The following IPCEF1 variants were observed in gnomAD, a reference collection of about 807,000 sequenced individuals.
IPCEF1 encodes interaction protein for cytohesin exchange factors 1.
A neutral mutation model predicts 50.9 loss-of-function variants in IPCEF1; 31 were observed. The observed-to-expected ratio is 0.61, with a 90% CI of 0.46 to 0.82. The LOEUF (loss-of-function observed/expected upper bound fraction) is 0.82. IPCEF1 is among the 40% of genes least tolerant of loss of function. The pLI is 0.00. For synonymous variants in IPCEF1, 181 were observed against 192.0 expected, an observed-to-expected ratio of 0.94 and a Z score of 0.47; for missense variants, 458 against 514.0, an observed-to-expected ratio of 0.89 and a Z score of 1.05.
intron 1 of IPCEF1, among the ~76,000 whole-genome samples, chr6:154,305,797 C>T (rs149168993): frequency 6.6e-6 from 1 of 152,308 alleles, no homozygotes; most frequent in African/African-American, 2.4e-5. Context: ...CTTCTGGCCT[C>T]CATCTTTCTC....
At chr6:154,208,280 G>A (rs977482430) in intron 9 of IPCEF1, among the ~76,000 whole-genome samples, 1 of 152,138 alleles carries the variant, frequency 6.6e-6, no homozygotes, top group African/African-American at 2.4e-5. Context: ...ACACACCAAG[G>A]AGACCTTGAC....
Position 154,212,785 on chromosome 6 carries a change from G to A in IPCEF1, c.522C>T (p.Ser174=), listed in dbSNP as rs763703040. The A allele has an allele frequency of 7.4e-6, 12 of 1,611,912 alleles. No homozygotes were observed. Among genetic ancestry groups the A allele is most frequent in the Non-Finnish European group, 1.0e-5 (12 of 1,178,006 alleles). Residue 174 remains serine (S), a synonymous_variant, in exon 9 of 12, where the codon TCC becomes TCT. Transcript: ENST00000367220. ...CGGTACATACCAAAGACTGAGTCTG[G>A]GAAGCGTGAGGAGGGGGTGGTGTCT... ...AAETPPPPHA[S]QTQSLTAQQA...
intron 10 of IPCEF1, among the ~76,000 whole-genome samples, chr6:154,192,324 G>A (rs2657572): frequency 0.028 from 3,473 of 125,406 alleles, 54 homozygotes; most frequent in Non-Finnish European, 0.041. Context: ...GTTACTGTGT[G>A]TGTGTGTGTG....
At chr6:154,296,637 G>A (rs1782665898) in intron 1 of IPCEF1, among the ~76,000 whole-genome samples, 1 of 152,040 alleles carries the variant, frequency 6.6e-6, no homozygotes, top group Non-Finnish European at 1.5e-5. Context: ...AGACCATCCT[G>A]GCTAACACAG....
chr6:154,210,708 A>C (rs1394435427), intron 9 of IPCEF1, among the ~76,000 whole-genome samples: 1 of 152,230 alleles, frequency 6.6e-6, no homozygotes, highest in African/African-American at 2.4e-5. Context: ...GAAGCTATGA[A>C]TATAGTAAGA....
At chr6:154,324,348 TTGAGTTCA>T (rs1198392536) in intron 1 of IPCEF1, among the ~76,000 whole-genome samples, 2 of 152,140 alleles carry the variant, frequency 1.3e-5, no homozygotes, top group Admixed American at 1.3e-4. Flanking sequence ...GGAGGAACAC[TTGAGTTCA>T]TGAGTTTGAG....
chr6:154,196,434 C>A lies in IPCEF1; in HGVS notation c.910+3234G>T, dbSNP rs533720966. ...CAATGTTTTATTTTTTTTAATTAAGCTTGTTATCTACATGACTCCCAGATC... is the reference window on the plus strand; with the variant it reads ...CAATGTTTTATTTTTTTTAATTAAGATTGTTATCTACATGACTCCCAGATC... On this transcript the variant is annotated intron_variant, in intron 10 of 11. Transcript: ENST00000367220. 2.0e-5 allele frequency among the ~76,000 whole-genome samples: 3 copies of A among 152,170 alleles called. No individual in the cohort carries two copies. The East Asian group carries it at 5.8e-4, about 29-fold the overall frequency.
At chr6:154,282,899 G>C (rs1005003905) in intron 2 of IPCEF1, among the ~76,000 whole-genome samples, 8 of 152,172 alleles carry the variant, frequency 5.3e-5, no homozygotes, top group African/African-American at 1.7e-4. Context: ...GTGGAGAAAA[G>C]AGATTGAAAA....
intron 9 of IPCEF1, among the ~76,000 whole-genome samples, chr6:154,207,468 T>C (rs1244940991): frequency 6.6e-6 from 1 of 152,234 alleles, no homozygotes; most frequent in Non-Finnish European, 1.5e-5. Flanking sequence ...CAAATGACTT[T>C]GGTAGACAAC....
At chr6:154,176,664 A>G (rs1800359847) in intron 10 of IPCEF1, among the ~76,000 whole-genome samples, 1 of 152,228 alleles carries the variant, frequency 6.6e-6, no homozygotes, top group South Asian at 2.1e-4. Context: ...TCAATGAAAT[A>G]AAAGAGGTCA....
intron 1 of IPCEF1, among the ~76,000 whole-genome samples, chr6:154,319,015 A>G (rs1246529980): frequency 6.6e-6 from 1 of 152,174 alleles, no homozygotes. Flanking sequence ...TTCCATAGTA[A>G]TTTTTTCTAT....
intron 1 of IPCEF1, among the ~76,000 whole-genome samples, chr6:154,322,344 C>T (rs1318453907): frequency 6.7e-6 from 1 of 149,802 alleles, no homozygotes; most frequent in African/African-American, 2.5e-5. Context: ...TGGTGAGGCC[C>T]TGCCTCTACA....
At chr6:154,189,575 T>C (rs1801683834) in intron 10 of IPCEF1, among the ~76,000 whole-genome samples, 1 of 152,210 alleles carries the variant, frequency 6.6e-6, no homozygotes, top group African/African-American at 2.4e-5. Flanking sequence ...AGATTTTGAA[T>C]GTTGTTACCA....
At chr6:154,318,906 A>G (rs1012329048) in intron 1 of IPCEF1, among the ~76,000 whole-genome samples, 3 of 152,140 alleles carry the variant, frequency 2.0e-5, no homozygotes, top group African/African-American at 7.2e-5. Context: ...TCTGTCTCAA[A>G]CATGATGTCA....
rs962922600 is a variant in IPCEF1, at chr6:154,159,007, T to C, written c.*821A>G. On this transcript the variant is annotated 3_prime_UTR_variant, in exon 12 of 12. Transcript: ENST00000367220. The stretch of plus-strand genomic sequence containing the variant: ...GAAACCTGGATATAAATTCACACTA[T>C]GTATAGGGATCACAGCCAAGGACAA... 2 of 152,184 alleles carry C rather than the reference T, an allele frequency of 1.3e-5. No individual in the cohort carries two copies. Among genetic ancestry groups the C allele is most frequent in the African/African-American group, 2.4e-5 (1 of 41,448 alleles). 9.4% of individuals were successfully genotyped at this position (152,184 alleles called of 1,614,324 possible).
At chr6:154,164,835 T>C (rs1799301007) in intron 11 of IPCEF1, among the ~76,000 whole-genome samples, 1 of 152,214 alleles carries the variant, frequency 6.6e-6, no homozygotes, top group Non-Finnish European at 1.5e-5. Context: ...AGTCAGTGAA[T>C]GATGAGCTGT....
intron 10 of IPCEF1, among the ~76,000 whole-genome samples, chr6:154,199,395 T>C (rs1352222851): frequency 3.9e-5 from 6 of 152,182 alleles, no homozygotes; most frequent in African/African-American, 1.2e-4. Flanking sequence ...TTTTCTCCGA[T>C]TGGTGGAAAA....
At position 154,315,889 on chromosome 6, in the gene IPCEF1, CCAATCTCAGCTCACTG is replaced by C. The variant is rs570280974; in HGVS notation, c.-61-26149_-61-26134del. 4.0e-3 allele frequency among the ~76,000 whole-genome samples: 601 copies of C among 151,958 alleles called. 2 individuals are homozygous for C. Among genetic ancestry groups the C allele is most frequent in the African/African-American group, 0.013 (542 of 41,430 alleles). On this transcript the variant is annotated intron_variant, in intron 1 of 11. Transcript: ENST00000367220. ...GTCACCCAGGCTGGAGTGCAGTGGCCCAATCTCAGCTCACTGCAATCTCAGCTCACTGCAATCTCAG... is the reference window on the plus strand; with the variant it reads ...GTCACCCAGGCTGGAGTGCAGTGGCCCAATCTCAGCTCACTGCAATCTCAG...
At position 154,199,904 on chromosome 6, in the gene IPCEF1, G is replaced by A. The variant is rs574726765; in HGVS notation, c.674C>T (p.Thr225Ile). 192 of 1,614,212 alleles carry A rather than the reference G, an allele frequency of 1.2e-4. No homozygotes were observed. In the South Asian group the frequency reaches 2.0e-3, roughly 16 times the overall value. ...LSKERQSLPDTVNSLSAAEDE... is the reference protein window; with the variant it reads ...LSKERQSLPDIVNSLSAAEDE... ...TTCAGCAGCAGACAAACTGTTAACT[G>A]TGTCAGGCAAGGATTGTCTCTCTTT... is the stretch of plus-strand genomic sequence containing the variant. Residue 225 changes from threonine to isoleucine, a missense_variant, in exon 10 of 12, where the codon ACA becomes ATA. Physicochemically the swap from Thr to Ile is moderately conservative, Grantham distance 89 (BLOSUM62 -1). Coordinates refer to ENST00000367220, the MANE Select transcript of IPCEF1 (RefSeq NM_001130700.2).
Sources: allele counts gnomAD v4.1 joint callset (sites outside exome capture counted in the v4.1 genomes callset), GRCh38; gene constraint gnomAD v4.1.1; transcripts MANE v1.5; gene names NCBI Gene and HGNC (gene_info 2026-07-23, HGNC 2026-07-21).